The following MYO3A variants were observed in gnomAD, a reference collection of about 807,000 sequenced individuals.
MYO3A encodes the protein myosin IIIA, also known as myosin-IIIa.
A neutral mutation model predicts 192.7 loss-of-function variants in MYO3A; 180 were observed. The ratio of observed to expected loss-of-function variants is 0.93; its 90% CI spans 0.83 to 1.06. The LOEUF (loss-of-function observed/expected upper bound fraction) is 1.06. Among genes scored for constraint, MYO3A ranks in the 50% least tolerant of loss-of-function variants. The pLI is 0.00. For synonymous variants in MYO3A, 628 were observed against 645.3 expected, an observed-to-expected ratio of 0.97 and a Z score of 0.41; for missense variants, 1,896 against 1,905.0, an observed-to-expected ratio of 1.00 and a Z score of 0.09.
chr10:26,159,420 C>A (rs369176761), intron 26 of MYO3A, among the ~76,000 whole-genome samples: 3 of 147,762 alleles, frequency 2.0e-5, no homozygotes, highest in Admixed American at 6.8e-5. Flanking sequence ...AGTGCAGTGG[C>A]GCAATCTTGG....
intron 18 of MYO3A, among the ~76,000 whole-genome samples, chr10:26,124,236 A>C (rs1839062137): frequency 6.6e-6 from 1 of 152,044 alleles, no homozygotes; most frequent in South Asian, 2.1e-4. Context: ...GTATTTTGAA[A>C]AATTGCTGAA....
At chr10:25,990,549 A>G (rs1404532596) in intron 4 of MYO3A, among the ~76,000 whole-genome samples, 7 of 151,902 alleles carry the variant, frequency 4.6e-5, no homozygotes, top group African/African-American at 1.5e-4. Flanking sequence ...TCTAGGGTAC[A>G]TGTGCACAAC....
chr10:25,950,022 A>T (rs1837102079), intron 2 of MYO3A, among the ~76,000 whole-genome samples: 1 of 152,194 alleles, frequency 6.6e-6, no homozygotes, highest in Non-Finnish European at 1.5e-5. Context: ...TTGTGGATAC[A>T]GTCATAAAAT....
At chr10:26,123,924 TAAAACAA>T (rs75502365) in intron 18 of MYO3A, among the ~76,000 whole-genome samples, 74,694 of 150,824 alleles carry the variant, frequency 0.5, 18,991 homozygotes, top group Middle Eastern at 0.58. Context: ...AGACTCCATC[TAAAACAA>T]AAAACAAAAA....
At chr10:26,161,337 A>G (rs1407128905) in intron 26 of MYO3A, among the ~76,000 whole-genome samples, 1 of 152,234 alleles carries the variant, frequency 6.6e-6, no homozygotes, top group Non-Finnish European at 1.5e-5. Context: ...GGAAAAATAT[A>G]CAACATGAAC....
At chr10:25,996,103 G>A (rs1840420285) in intron 4 of MYO3A, among the ~76,000 whole-genome samples, 1 of 152,222 alleles carries the variant, frequency 6.6e-6, no homozygotes, top group South Asian at 2.1e-4. Flanking sequence ...CCCCACAGGT[G>A]GAGTCTACAG....
At chr10:26,058,346 CTA>C (rs2131325539) in intron 10 of MYO3A, among the ~76,000 whole-genome samples, 1 of 152,110 alleles carries the variant, frequency 6.6e-6, no homozygotes, top group Admixed American at 6.5e-5. Context: ...TGAAAATACA[CTA>C]TTGTCTGAAT....
At chr10:25,942,199 A>G (rs10741105) in intron 2 of MYO3A, among the ~76,000 whole-genome samples, 108,520 of 151,808 alleles carry the variant, frequency 0.71, 39,135 homozygotes, top group African/African-American at 0.79. Context: ...ATGGGGTTTC[A>G]CCATGTTGGC....
At chr10:25,977,982 C>T (rs1369035371) in intron 4 of MYO3A, among the ~76,000 whole-genome samples, 1 of 152,014 alleles carries the variant, frequency 6.6e-6, no homozygotes, top group Non-Finnish European at 1.5e-5. Flanking sequence ...TTGTTATTTA[C>T]TCCCAAATCT....
intron 10 of MYO3A, among the ~76,000 whole-genome samples, chr10:26,059,454 CTT>C (rs1353311406): frequency 6.6e-6 from 1 of 152,100 alleles, no homozygotes; most frequent in Non-Finnish European, 1.5e-5. Context: ...GTCATTTTTA[CTT>C]TTTAGCCTAT....
intron 31 of MYO3A, among the ~76,000 whole-genome samples, chr10:26,179,917 T>G (rs1842540036): frequency 6.6e-6 from 1 of 152,208 alleles, no homozygotes; most frequent in South Asian, 2.1e-4. Flanking sequence ...CACTGCCACC[T>G]CTGCCTGCTG....
chr10:25,997,026 A>G (rs1378618559), intron 5 of MYO3A, 133 bp from the exon 6 acceptor site: 5 of 696,216 alleles, frequency 7.2e-6, no homozygotes, highest in East Asian at 5.5e-5. Context: ...GACTAACTCA[A>G]TGTGAAACAT....
intron 32 of MYO3A, among the ~76,000 whole-genome samples, chr10:26,193,751 A>G (rs778111172): frequency 1.3e-5 from 2 of 152,166 alleles, no homozygotes; most frequent in Non-Finnish European, 2.9e-5. Context: ...GCTTGTTCAC[A>G]TCCACTGTGA....
intron 30 of MYO3A, among the ~76,000 whole-genome samples, chr10:26,175,945 G>A (rs192340724): frequency 2.9e-4 from 43 of 150,412 alleles, no homozygotes; most frequent in Non-Finnish European, 5.3e-4. Flanking sequence ...CGATAGAGGC[G>A]GGGGGCAGAA....
chr10:25,989,763 A>G (rs572273222), intron 4 of MYO3A, among the ~76,000 whole-genome samples: 137 of 152,302 alleles, frequency 9.0e-4, no homozygotes, highest in Non-Finnish European at 1.2e-3. Flanking sequence ...AAATTCATTC[A>G]GTTTTTCAAT....
At chr10:25,975,209 A>G (rs547572747) in intron 4 of MYO3A, among the ~76,000 whole-genome samples, 1 of 152,326 alleles carries the variant, frequency 6.6e-6, no homozygotes, top group East Asian at 1.9e-4. Flanking sequence ...GGTCCTATAC[A>G]TGAAAAGGTG....
chr10:25,959,031 T>C (rs1180576373), intron 4 of MYO3A, among the ~76,000 whole-genome samples: 7 of 152,172 alleles, frequency 4.6e-5, no homozygotes, highest in Non-Finnish European at 8.8e-5. Flanking sequence ...CTTGAGATCT[T>C]GCTGAAGTTG....
intron 10 of MYO3A, among the ~76,000 whole-genome samples, chr10:26,043,778 G>A (rs1843488272): frequency 6.6e-6 from 1 of 152,286 alleles, no homozygotes; most frequent in East Asian, 1.9e-4. Context: ...CCTGGAATGG[G>A]GACCCCAAGA....
chr10:26,015,392 G>C (rs188782265), intron 6 of MYO3A, among the ~76,000 whole-genome samples: 250 of 152,042 alleles, frequency 1.6e-3, no homozygotes, highest in Non-Finnish European at 2.8e-3. Flanking sequence ...ACTTCCTAGG[G>C]CTCCTGAACC....
Sources: allele counts gnomAD v4.1 joint callset (sites outside exome capture counted in the v4.1 genomes callset), GRCh38; gene constraint gnomAD v4.1.1; transcripts MANE v1.5; gene names NCBI Gene and HGNC (gene_info 2026-07-23, HGNC 2026-07-21).